EBF1: variants seen among roughly 807,000 people sequenced by gnomAD.
The protein encoded by EBF1 is transcription factor COE1.
In EBF1, 10 loss-of-function variants were observed where a neutral mutation model predicts 68.4. The observed-to-expected ratio is 0.15, with a 90% CI of 0.09 to 0.25. The LOEUF (loss-of-function observed/expected upper bound fraction) is 0.25. Ranked by LOEUF, EBF1 falls within the 10% of genes least tolerant of loss-of-function variation. The pLI, the probability that EBF1 is intolerant of heterozygous loss-of-function variation, is 1.00. For missense variants in EBF1, 509 were observed against 794.4 expected (o/e 0.64, Z 4.32); for synonymous variants, 298 against 299.8 (o/e 0.99, Z 0.06).
intron 10 of EBF1, among the ~76,000 whole-genome samples, chr5:158,770,734 T>C (rs182053660): frequency 6.6e-6 from 1 of 152,226 alleles, no homozygotes. Flanking sequence ...CACTGGTTGT[T>C]GGGTTAGCTC....
At chr5:158,808,778 GA>G (rs796075417) in intron 8 of EBF1, among the ~76,000 whole-genome samples, 2 of 152,216 alleles carry the variant, frequency 1.3e-5, no homozygotes, top group African/African-American at 4.8e-5. Context: ...TAGGGAAGAA[GA>G]AAAGAAAGAT....
intron 6 of EBF1, among the ~76,000 whole-genome samples, chr5:159,046,178 C>T (rs1211472308): frequency 1.3e-5 from 2 of 152,178 alleles, no homozygotes; most frequent in African/African-American, 4.8e-5. Flanking sequence ...TACAGGTGCC[C>T]CTGACACTCT....
chr5:159,043,854 A>G (rs1324917905), intron 6 of EBF1, among the ~76,000 whole-genome samples: 1 of 152,164 alleles, frequency 6.6e-6, no homozygotes, highest in African/African-American at 2.4e-5. Context: ...TACTCCAGAA[A>G]AAGGTGATGT....
At chr5:158,844,190 T>C (rs1790922236) in intron 6 of EBF1, among the ~76,000 whole-genome samples, 1 of 147,300 alleles carries the variant, frequency 6.8e-6, no homozygotes, top group African/African-American at 2.5e-5. Context: ...ACTCAAGCCT[T>C]TTTTTTTTTT....
intron 6 of EBF1, among the ~76,000 whole-genome samples, chr5:158,861,313 T>C (rs1794921880): frequency 7.2e-6 from 1 of 139,426 alleles, no homozygotes. Flanking sequence ...TAGTAGAATG[T>C]TAAAAACAGC....
At chr5:158,927,965 A>T (rs1008526255) in intron 6 of EBF1, among the ~76,000 whole-genome samples, 3 of 152,352 alleles carry the variant, frequency 2.0e-5, no homozygotes, top group Non-Finnish European at 4.4e-5. Context: ...ACACCCAGGC[A>T]GCCTGCCTAA....
At chr5:159,065,138 G>GA (rs1776569215) in intron 6 of EBF1, among the ~76,000 whole-genome samples, 1 of 152,000 alleles carries the variant, frequency 6.6e-6, no homozygotes. Context: ...AACAGGTGGG[G>GA]AAAATCTCAG....
intron 6 of EBF1, among the ~76,000 whole-genome samples, chr5:159,048,018 ACT>A (rs1379257366): frequency 6.6e-6 from 1 of 152,176 alleles, no homozygotes; most frequent in Non-Finnish European, 1.5e-5. Flanking sequence ...GGAGATAGGC[ACT>A]ATATTTTCCA....
chr5:158,771,308 G>A (rs1773833759), intron 10 of EBF1, among the ~76,000 whole-genome samples: 3 of 151,954 alleles, frequency 2.0e-5, no homozygotes, highest in Admixed American at 6.6e-5. Context: ...CTTAGATGAA[G>A]GTACTATTAA....
intron 6 of EBF1, among the ~76,000 whole-genome samples, chr5:158,941,737 A>G (rs1299298673): frequency 1.3e-5 from 2 of 152,240 alleles, no homozygotes; most frequent in African/African-American, 4.8e-5. Flanking sequence ...TGCTGAAACC[A>G]AAGGGCAGGA....
Position 158,697,582 on chromosome 5 carries a change from C to T in EBF1, c.*1529G>A. 1 of 205,284 alleles carries T rather than the reference C, an allele frequency of 4.9e-6. No individual in the cohort carries two copies. Among genetic ancestry groups the T allele is most frequent in the Non-Finnish European group, 1.0e-5 (1 of 100,248 alleles). The allele number at this position is 205,284 out of a possible 1,614,324, so 12.7% of individuals were successfully genotyped here. A position where few individuals can be genotyped will look rare whatever the true frequency, so the allele number is the denominator to read the frequency against. ...ATACATTATTTATATGGATATTTTA[C>T]AAAATCCCCTTTAAAACAAAAAGCC... On this transcript the variant is annotated 3_prime_UTR_variant, in exon 16 of 16. Transcript: ENST00000313708.
intron 10 of EBF1, 132 bp from the exon 11 acceptor site, chr5:158,731,289 G>T (rs1764041311): frequency 1.2e-6 from 1 of 864,892 alleles, no homozygotes; most frequent in Admixed American, 2.4e-5. Context: ...ATCACAAGAT[G>T]GTTGTGTGAA....
rs79149940 is a variant in EBF1, at chr5:158,887,488, G to A, written c.555-47378C>T. Among the ~76,000 whole-genome samples the A allele has an allele frequency of 2.1e-3, 314 of 152,262 alleles. 3 individuals are homozygous for A. The highest frequency in any genetic ancestry group is 7.3e-3 in the African/African-American group (304 of 41,534). On this transcript the variant is annotated intron_variant, in intron 6 of 15. Transcript: ENST00000313708. ...TGGGCCTAGAATTAGTGAGCTTCAC[G>A]CTAAGGCTCATCTCTGAGATGTCCT...
At chr5:158,707,928 G>A (rs981297469) in intron 15 of EBF1, 51 bp downstream of exon 15, 41 of 1,524,848 alleles carry the variant, frequency 2.7e-5, no homozygotes, top group Non-Finnish European at 3.3e-5. Context: ...GCCCTGGGAG[G>A]GTGAAGTCAG....
chr5:159,008,024 A>G (rs1298328885), intron 6 of EBF1, among the ~76,000 whole-genome samples: 1 of 152,218 alleles, frequency 6.6e-6, no homozygotes, highest in Non-Finnish European at 1.5e-5. Context: ...TGGGAGATAG[A>G]TTTTATTTGC....
rs527415767 is a variant in EBF1 at position 159,073,852 on chromosome 5, G to A, written c.486-388C>T. ...TTCTTCCCTCAAGATCACACTAATTGTGTGGAACGCATCAATAATGAGGTA... is the reference window on the plus strand; with the variant it reads ...TTCTTCCCTCAAGATCACACTAATTATGTGGAACGCATCAATAATGAGGTA... On this transcript the variant is annotated intron_variant, in intron 5 of 15. Transcript: ENST00000313708. 3 of 170,542 alleles carry A rather than the reference G, an allele frequency of 1.8e-5. No homozygotes were observed. In the East Asian group the frequency reaches 4.6e-4, roughly 26 times the overall value. 10.6% of individuals were successfully genotyped at this position (170,542 alleles called of 1,614,324 possible).
chr5:158,702,830 G>A (rs953372296), intron 15 of EBF1, among the ~76,000 whole-genome samples: 8 of 146,746 alleles, frequency 5.5e-5, no homozygotes, highest in African/African-American at 7.6e-5. Flanking sequence ...ATCTTGCACC[G>A]ACTGAATATG....
chr5:158,727,963 T>C (rs1347552198), intron 11 of EBF1, among the ~76,000 whole-genome samples: 1 of 152,178 alleles, frequency 6.6e-6, no homozygotes, highest in Non-Finnish European at 1.5e-5. Context: ...CACAAACACA[T>C]GGGTTTAATA....
intron 6 of EBF1, among the ~76,000 whole-genome samples, chr5:158,940,825 C>T (rs893774955): frequency 1.5e-5 from 2 of 137,200 alleles, no homozygotes; most frequent in Non-Finnish European, 3.1e-5. Flanking sequence ...GAATCCCCAA[C>T]AGAGGACACT....
Sources: gnomAD v4.1 joint callset for allele counts (sites outside exome capture counted in the v4.1 genomes callset) on GRCh38, gnomAD v4.1.1 for gene constraint, MANE v1.5 for transcripts, NCBI Gene and HGNC (gene_info 2026-07-23, HGNC 2026-07-21) for gene names.